Variants in ARID3A observed in about 807,000 individuals in gnomAD.
The protein encoded by ARID3A is AT-rich interactive domain-containing protein 3A.
ARID3A carries 11 observed loss-of-function variants against 52.7 expected under a neutral mutation model. The observed-to-expected ratio is 0.21, with a 90% CI of 0.13 to 0.35. The LOEUF (loss-of-function observed/expected upper bound fraction) is 0.35. Ranked by LOEUF, ARID3A falls within the 10% of genes least tolerant of loss-of-function variation. The pLI is 1.00. For synonymous variants in ARID3A, 404 were observed against 359.4 expected, an observed-to-expected ratio of 1.12 and a Z score of -1.40; for missense variants, 721 against 838.5, an observed-to-expected ratio of 0.86 and a Z score of 1.73.
At chr19:946,270 A>G (rs187451197) in intron 3 of ARID3A, among the ~76,000 whole-genome samples, 9 of 150,308 alleles carry the variant, frequency 6.0e-5, no homozygotes, top group Non-Finnish European at 1.3e-4. Flanking sequence ...TTATTTATGT[A>G]TTTATTTATG....
chr19:930,466 G>T lies in ARID3A; in HGVS notation c.368+570G>T, dbSNP rs570444609. Among the ~76,000 whole-genome samples the T allele has an allele frequency of 3.3e-5, 5 of 150,212 alleles. No individual in the cohort carries two copies. In the South Asian group the frequency reaches 1.1e-3, roughly 32 times the overall value. ...ACTCGGGAGGCTGAGGCAGGAGAATGGCTTGAACCTGGGAGGTGAAGATTG... is the reference window on the plus strand; with the variant it reads ...ACTCGGGAGGCTGAGGCAGGAGAATTGCTTGAACCTGGGAGGTGAAGATTG... On this transcript the variant is annotated intron_variant, in intron 2 of 8. Coordinates refer to ENST00000263620, the MANE Select transcript of ARID3A (RefSeq NM_005224.3).
intron 8 of ARID3A, among the ~76,000 whole-genome samples, chr19:971,151 A>T (rs147674389): frequency 1.1e-4 from 16 of 152,280 alleles, no homozygotes; most frequent in African/African-American, 3.8e-4. Flanking sequence ...ATATATGCAC[A>T]TGTGTGTGAT....
Position 967,015 on chromosome 19 carries a change from T to TGGGAGACCGAGGTGGGTGGATCACTTGAG in ARID3A, c.1495+149_1495+177dup, listed in dbSNP as rs2038172809. ...GCTGACATCTGTAATCCCAGCACTT[T>TGGGAGACCGAGGTGGGTGGATCACTTGAG]GGGAGACCGAGGTGGGTGGATCACT... On this transcript the variant is annotated intron_variant, in intron 7 of 8. Coordinates refer to ENST00000263620, the MANE Select transcript of ARID3A (RefSeq NM_005224.3). 6 of 1,009,572 alleles carry TGGGAGACCGAGGTGGGTGGATCACTTGAG rather than the reference T, an allele frequency of 5.9e-6. No individual in the cohort carries two copies. The Admixed American group carries it at 1.8e-4, about 31-fold the overall frequency. The allele number at this position is 1,009,572 out of a possible 1,614,324, so 62.5% of individuals were successfully genotyped here.
In ARID3A at chr19:966,971, A is replaced by T. The variant is rs982111049; in HGVS notation, c.1495+103A>T. ...AGAGTGCCAACAAATCAATAAGAAA[A>T]AAAAAGCCGGGTGCAGTGGCTGACA... On this transcript the variant is annotated intron_variant, in intron 7 of 8. Transcript: ENST00000263620. 24 of 1,366,300 alleles carry T rather than the reference A, an allele frequency of 1.8e-5. No homozygotes were observed. The South Asian group carries it at 3.2e-4, about 18-fold the overall frequency. 84.6% of individuals were successfully genotyped at this position (1,366,300 alleles called of 1,614,324 possible).
At position 972,393 on chromosome 19, in the gene ARID3A, G is replaced by A. The variant is rs1055772537; in HGVS notation, c.*328G>A. ...AACAGAAAGAGGCAGACGTTTCCCA[G>A]GGCGTTCAGGCAGCCCTGATGGACC... On this transcript the variant is annotated 3_prime_UTR_variant, in exon 9 of 9. Transcript: ENST00000263620. The A allele has an allele frequency of 4.6e-5, 10 of 218,760 alleles. No individual in the cohort carries two copies. The Admixed American group carries it at 5.8e-4, about 13-fold the overall frequency. The allele number at this position is 218,760 out of a possible 1,614,324, so 13.6% of individuals were successfully genotyped here. A position where few individuals can be genotyped will look rare whatever the true frequency, so the allele number is the denominator to read the frequency against.
intron 4 of ARID3A, among the ~76,000 whole-genome samples, chr19:962,782 T>A (rs2038070926): frequency 6.6e-6 from 1 of 152,164 alleles, no homozygotes; most frequent in African/African-American, 2.4e-5. Context: ...CCCAAAGTGC[T>A]GGAATGACAG....
At chr19:965,965 C>T (rs2038140639) in intron 6 of ARID3A, among the ~76,000 whole-genome samples, 1 of 148,650 alleles carries the variant, frequency 6.7e-6, no homozygotes, top group African/African-American at 2.5e-5. Flanking sequence ...GCATTCCAGC[C>T]TCAGCGACAG....
Position 929,272 on chromosome 19 carries a change from A to G in ARID3A, c.-257A>G. On this transcript the variant is annotated 5_prime_UTR_variant, in exon 2 of 9. The change abolishes an upstream ATG in the 5' untranslated region. Coordinates refer to ENST00000263620, the MANE Select transcript of ARID3A (RefSeq NM_005224.3). The surrounding 1 kb of genome is among the most constrained non-coding windows in gnomAD (Gnocchi z 6.2). ...TTTTTTCCCCCTCAGGTTTCTGCAA[A>G]TGCGTGAATGAGCCGGATGCCAGCC... is the stretch of plus-strand genomic sequence containing the variant. 3.5e-6 allele frequency: 1 copy of G among 289,436 alleles called. No individual in the cohort carries two copies. The highest frequency in any genetic ancestry group is 5.8e-6 in the Non-Finnish European group (1 of 172,298). The allele number at this position is 289,436 out of a possible 1,614,324, so 17.9% of individuals were successfully genotyped here.
rs368350530 is a variant in ARID3A, at chr19:964,889, A to G, written c.1007A>G (p.Asn336Ser). 1.1e-5 allele frequency: 18 copies of G among 1,613,982 alleles called. No homozygotes were observed. Among genetic ancestry groups the G allele is most frequent in the Middle Eastern group, 1.6e-4 (1 of 6,062 alleles). Residue 336 changes from asparagine (N) to serine (S), a missense_variant, in exon 6 of 9, where the codon AAT (asparagine) becomes AGT (serine). By Grantham distance (46) the Asn-to-Ser change is conservative. Around this residue, in one of 5 missense-constraint regions of ARID3A, gnomAD observed 43 missense variants for 143.7 expected, o/e 0.30. Coordinates refer to ENST00000263620, the MANE Select transcript of ARID3A (RefSeq NM_005224.3). This position sits in a 1 kb window ranked among gnomAD's most constrained non-coding sequence, Gnocchi z 5.7. ...GAGAAGCGGGGCCTCAGTAACCCCA[A>G]TGAGCTCCAGGCAGCCATAGACAGC... is the stretch of plus-strand genomic sequence containing the variant. Reference protein sequence around the residue: ...ECEKRGLSNPNELQAAIDSNR... With the variant: ...ECEKRGLSNPSELQAAIDSNR...
At chr19:945,482 G>C (rs1288298795) in intron 3 of ARID3A, among the ~76,000 whole-genome samples, 1 of 152,170 alleles carries the variant, frequency 6.6e-6, no homozygotes, top group Non-Finnish European at 1.5e-5. Context: ...CAGCGGGTGG[G>C]ATGGTGGGGT....
chr19:966,775 G>C lies in ARID3A; in HGVS notation c.1402G>C (p.Asp468His), dbSNP rs369884232. 6.2e-7 allele frequency: 1 copy of C among 1,613,536 alleles called. No individual in the cohort carries two copies. Among genetic ancestry groups the C allele is most frequent in the Admixed American group, 1.7e-5 (1 of 60,012 alleles). The change falls in exon 7 of 9, where the codon GAT becomes CAT. Residue 468 changes from aspartate to histidine, a missense_variant. Physicochemically the swap from Asp to His is moderately conservative, Grantham distance 81. Transcript: ENST00000263620. ...GGAGAAGAAGATGGCCCTGGTGGCC[G>C]ATGAGCAGCAACGGCTGATGCAACG... The part of the protein sequence containing the change: ...PPEKKMALVA[D>H]EQQRLMQRAL...
rs1228815926 is a variant in ARID3A at position 944,244 on chromosome 19, G to A, written c.693+11502G>A. On this transcript the variant is annotated intron_variant, in intron 3 of 8. Transcript: ENST00000263620. This position sits in a 1 kb window ranked among gnomAD's most constrained non-coding sequence, Gnocchi z 5.9. ...ACTGGAGTCCTGACGTCGGCAGCGC[G>A]GTGGAGGGCGGGCCTGTCTCGCCGT... Among the ~76,000 whole-genome samples, 2 of 152,094 alleles carry A rather than the reference G, an allele frequency of 1.3e-5. No individual in the cohort carries two copies. Among genetic ancestry groups the A allele is most frequent in the Admixed American group, 6.5e-5 (1 of 15,296 alleles).
rs188856929 is a variant in ARID3A, at chr19:951,576, A to G, written c.694-8516A>G. Among the ~76,000 whole-genome samples the G allele has an allele frequency of 4.6e-5, 7 of 151,994 alleles. No homozygotes were observed. The East Asian group carries it at 9.7e-4, about 21-fold the overall frequency. On this transcript the variant is annotated intron_variant, in intron 3 of 8. Coordinates refer to ENST00000263620, the MANE Select transcript of ARID3A (RefSeq NM_005224.3). ...AAAAAAAGGAAAAAAAACAACGTAG[A>G]CTAAAGAACCAAACCTCAGAGTTCC...
intron 1 of ARID3A, among the ~76,000 whole-genome samples, chr19:927,789 A>G (rs2145336342): frequency 1.3e-5 from 2 of 152,194 alleles, no homozygotes; most frequent in African/African-American, 4.8e-5. Context: ...ACCCAGCGCT[A>G]TGGCCCTGAG....
At chr19:946,258 A>G (rs117364482) in intron 3 of ARID3A, among the ~76,000 whole-genome samples, 1,914 of 150,672 alleles carry the variant, frequency 0.013, 12 homozygotes, top group Non-Finnish European at 0.018. Context: ...CTTTTTATTT[A>G]TTTATTTATG....
Position 953,962 on chromosome 19 carries a change from G to A in ARID3A, c.694-6130G>A, listed in dbSNP as rs567470083. On this transcript the variant is annotated intron_variant, in intron 3 of 8. Coordinates refer to ENST00000263620, the MANE Select transcript of ARID3A (RefSeq NM_005224.3). ...GTGGTGCCTGCCTGTGGTCTCATTG[G>A]CTCAGGAGACCGAGGTGGGAGGTGG... 9.2e-5 allele frequency among the ~76,000 whole-genome samples: 14 copies of A among 152,306 alleles called. No homozygotes were observed. In the South Asian group the frequency reaches 2.7e-3, roughly 29 times the overall value.
chr19:956,922 C>G (rs918427796), intron 3 of ARID3A, among the ~76,000 whole-genome samples: 1 of 152,202 alleles, frequency 6.6e-6, no homozygotes, highest in African/African-American at 2.4e-5. Context: ...CCCTAATGAC[C>G]GATCATCCCA....
chr19:949,860 G>T (rs2037768721), intron 3 of ARID3A, among the ~76,000 whole-genome samples: 1 of 151,204 alleles, frequency 6.6e-6, no homozygotes, highest in South Asian at 2.1e-4. Flanking sequence ...ATTTTTAGTA[G>T]AGACGGGGTT....
At chr19:963,322 G>A (rs2038081478) in intron 4 of ARID3A, among the ~76,000 whole-genome samples, 2 of 152,234 alleles carry the variant, frequency 1.3e-5, no homozygotes, top group African/African-American at 4.8e-5. Context: ...ACTGAGTGCT[G>A]GGACCCCACG....
Sources: allele counts gnomAD v4.1 joint callset (sites outside exome capture counted in the v4.1 genomes callset), GRCh38; gene constraint gnomAD v4.1.1; regional missense constraint gnomAD v4.1.1; non-coding constraint Gnocchi (gnomAD v3.1); transcripts MANE v1.5; gene names NCBI Gene and HGNC (gene_info 2026-07-23, HGNC 2026-07-21).